The following RAF1 variants were observed in gnomAD, a reference collection of about 807,000 sequenced individuals.
The protein encoded by RAF1 is Raf-1 proto-oncogene, serine/threonine kinase.
In RAF1, 27 loss-of-function variants were observed where a neutral mutation model predicts 81.1. The observed-to-expected ratio is 0.33, with a 90% CI of 0.25 to 0.46. The LOEUF is 0.46. RAF1 is among the 20% of genes least tolerant of loss of function. The pLI is 1.00. For synonymous variants in RAF1, 298 were observed against 294.0 expected (o/e 1.01, Z -0.14); for missense variants, 598 against 826.0 (o/e 0.72, Z 3.38).
At chr3:12,651,667 G>A (rs1202184056) in intron 1 of RAF1, among the ~76,000 whole-genome samples, 2 of 135,996 alleles carry the variant, frequency 1.5e-5, no homozygotes, top group Non-Finnish European at 3.3e-5. Context: ...AAAAAAAAAA[G>A]ATACACGAAT....
chr3:12,663,796 C>T lies in RAF1; in HGVS notation c.-27+17G>A. On this transcript the variant is annotated intron_variant, in intron 1 of 17. Transcript: ENST00000442415. ...GCCCGGCTCCCCCGGCATCCACGAC[C>T]CGGTCCTGCCACCTACCTGAGGGAG... The T allele has an allele frequency of 2.5e-6, 1 of 396,964 alleles. No homozygotes were observed. The highest frequency in any genetic ancestry group is 4.4e-6 in the Non-Finnish European group (1 of 225,266). The allele number at this position is 396,964 out of a possible 1,614,324, so 24.6% of individuals were successfully genotyped here.
intron 2 of RAF1, among the ~76,000 whole-genome samples, chr3:12,615,619 T>C (rs2059347391): frequency 6.6e-6 from 1 of 152,190 alleles, no homozygotes; most frequent in African/African-American, 2.4e-5. Context: ...TAGTTCATCT[T>C]TACCCAAAGA....
chr3:12,655,005 C>CCCG (rs1553624741), intron 1 of RAF1, among the ~76,000 whole-genome samples: 2 of 147,668 alleles, frequency 1.4e-5, no homozygotes, highest in Non-Finnish European at 3.0e-5. Context: ...GTGAGACCCC[C>CCCG]CCCCCGCCAT....
intron 11 of RAF1, among the ~76,000 whole-genome samples, chr3:12,595,549 A>G (rs2058659272): frequency 2.0e-5 from 3 of 152,042 alleles, no homozygotes; most frequent in Non-Finnish European, 1.5e-5. Context: ...AAAACACCCT[A>G]CCACTGGACC....
intron 2 of RAF1, among the ~76,000 whole-genome samples, chr3:12,617,607 TG>T (rs1344278225): frequency 2.6e-5 from 4 of 151,808 alleles, no homozygotes. Context: ...GTTATCAGGC[TG>T]GGCGTGGTGT....
At chr3:12,605,887 T>C (rs181551571) in intron 6 of RAF1, among the ~76,000 whole-genome samples, 24 of 152,312 alleles carry the variant, frequency 1.6e-4, no homozygotes, top group Admixed American at 1.2e-3. Context: ...ACCCTTTCCA[T>C]TGAGGTTGAA....
rs140756812 is a variant in RAF1, at chr3:12,584,598, G to C, written c.1923C>G (p.Ser641=). ...GGGCTGCCCGATGCAAGGATGGCTC[G>C]GAAGCGCTCCGGTTGATCTTCGGTA... Residue 641 remains serine (S), a synonymous_variant, in exon 18 of 18, where the codon TCC becomes TCG. Coordinates refer to ENST00000442415, the MANE Select transcript of RAF1 (RefSeq NM_001354689.3). The C allele has an allele frequency of 1.9e-6, 3 of 1,613,998 alleles. No homozygotes were observed. The African/African-American group carries it at 4.0e-5, about 22-fold the overall frequency.
At chr3:12,655,918 T>A (rs1332332605) in intron 1 of RAF1, among the ~76,000 whole-genome samples, 2 of 151,664 alleles carry the variant, frequency 1.3e-5, no homozygotes, top group Admixed American at 6.6e-5. Flanking sequence ...GAACTGGGCA[T>A]AGGGAGGAAT....
intron 1 of RAF1, among the ~76,000 whole-genome samples, chr3:12,659,896 G>A (rs1454963964): frequency 6.6e-6 from 1 of 152,060 alleles, no homozygotes; most frequent in East Asian, 1.9e-4. Context: ...GCAAACAAAA[G>A]TACTCCCTCA....
At chr3:12,638,522 T>C (rs975957314) in intron 1 of RAF1, among the ~76,000 whole-genome samples, 9 of 152,340 alleles carry the variant, frequency 5.9e-5, no homozygotes, top group African/African-American at 2.2e-4. Flanking sequence ...AAAGCTACTA[T>C]AGAATTCTAC....
At chr3:12,643,848 T>C (rs367782967) in intron 1 of RAF1, among the ~76,000 whole-genome samples, 12 of 152,338 alleles carry the variant, frequency 7.9e-5, no homozygotes, top group Admixed American at 3.3e-4. Context: ...TATAATTTAT[T>C]CTGATGCTCA....
intron 1 of RAF1, among the ~76,000 whole-genome samples, chr3:12,649,421 C>T (rs1349944444): frequency 9.9e-5 from 15 of 152,078 alleles, no homozygotes; most frequent in Admixed American, 9.8e-4. Context: ...AACAGAGTGA[C>T]ACCTCATCTT....
At chr3:12,597,934 ATATTC>A (rs759579243) in intron 11 of RAF1, among the ~76,000 whole-genome samples, 3 of 149,876 alleles carry the variant, frequency 2.0e-5, no homozygotes, top group Non-Finnish European at 4.4e-5. Context: ...ATATAAATAA[ATATTC>A]TACAACAGTA....
chr3:12,625,904 C>T (rs1380463648), intron 1 of RAF1, among the ~76,000 whole-genome samples: 3 of 152,026 alleles, frequency 2.0e-5, no homozygotes, highest in African/African-American at 7.2e-5. Context: ...CAATTTAATA[C>T]TTCCAAGTAC....
chr3:12,656,346 A>G (rs2060694324), intron 1 of RAF1, among the ~76,000 whole-genome samples: 1 of 152,062 alleles, frequency 6.6e-6, no homozygotes, highest in Non-Finnish European at 1.5e-5. Context: ...GTGTCCTGCT[A>G]AAGCAGGCAA....
rs1165577409 is a variant in RAF1 at position 12,585,573 on chromosome 3, TGTGGATTTC to T, written c.1596+99_1596+107del. 121 of 1,359,650 alleles carry T rather than the reference TGTGGATTTC, an allele frequency of 8.9e-5. 1 individual carries two copies. In the South Asian group the frequency reaches 1.3e-3, roughly 15 times the overall value. The allele number at this position is 1,359,650 out of a possible 1,614,324, so 84.2% of individuals were successfully genotyped here. On this transcript the variant is annotated intron_variant, in intron 15 of 17. Transcript: ENST00000442415. ...TGAGGCTGGCTGTCACTAGGGGTCA[TGTGGATTTC>T]GGGGAAATGTACAGAAACGCTTTAA...
intron 11 of RAF1, 61 bp downstream of exon 10, chr3:12,599,630 G>C: frequency 7.6e-7 from 1 of 1,310,000 alleles, no homozygotes; most frequent in Non-Finnish European, 1.1e-6. Flanking sequence ...TGGCCCCCTG[G>C]GCTGAAACTT....
chr3:12,633,397 G>C (rs2125503879), intron 1 of RAF1, among the ~76,000 whole-genome samples: 1 of 151,474 alleles, frequency 6.6e-6, no homozygotes, highest in South Asian at 2.1e-4. Context: ...AGGATCACTT[G>C]AGCTCAGGAG....
At position 12,583,965 on chromosome 3, in the gene RAF1, C is replaced by G. The variant is rs1001398539; in HGVS notation, c.*549G>C. 2 of 244,668 alleles carry G rather than the reference C, an allele frequency of 8.2e-6. No individual in the cohort carries two copies. The highest frequency in any genetic ancestry group is 1.2e-4 in the East Asian group (2 of 17,288). The allele number at this position is 244,668 out of a possible 1,614,324, so 15.2% of individuals were successfully genotyped here. On this transcript the variant is annotated 3_prime_UTR_variant, in exon 18 of 18. Transcript: ENST00000442415. The stretch of plus-strand genomic sequence containing the variant: ...GAAGCTGTGAAAGGAGGACGTGTCC[C>G]CTAAGAAAAGTTCCATAGTACCAAA...
Sources: allele counts gnomAD v4.1 joint callset (sites outside exome capture counted in the v4.1 genomes callset), GRCh38; gene constraint gnomAD v4.1.1; transcripts MANE v1.5; gene names NCBI Gene and HGNC (gene_info 2026-07-23, HGNC 2026-07-21).